CSPG5: variants seen among roughly 807,000 people sequenced by gnomAD.
CSPG5 encodes the protein chondroitin sulfate proteoglycan 5, also known as acidic leucine-rich EGF-like domain-containing brain protein.
A neutral mutation model predicts 39.8 loss-of-function variants in CSPG5; 25 were observed. The ratio of observed to expected loss-of-function variants is 0.63; its 90% CI spans 0.46 to 0.88. The LOEUF (loss-of-function observed/expected upper bound fraction) is 0.88. Among genes scored for constraint, CSPG5 ranks in the 40% least tolerant of loss-of-function variants. The probability of loss-of-function intolerance (pLI) is 0.00; values close to 1 mark genes in which losing one functional copy is unlikely to be tolerated. For missense variants in CSPG5, 627 were observed against 702.2 expected (o/e 0.89, Z 1.21); for synonymous variants, 295 against 303.9 (o/e 0.97, Z 0.31).
At chr3:47,576,702 C>T (rs1203271760) in intron 2 of CSPG5, 131 bp downstream of exon 2, 54 of 1,036,598 alleles carry the variant, frequency 5.2e-5, no homozygotes, top group Middle Eastern at 2.4e-4. Flanking sequence ...TTAGGAGATC[C>T]GCCTGCCTCA....
chr3:47,575,639 T>C (rs888665458), intron 2 of CSPG5, among the ~76,000 whole-genome samples: 5 of 152,166 alleles, frequency 3.3e-5, no homozygotes, highest in Non-Finnish European at 2.9e-5. Flanking sequence ...CACCCGCACA[T>C]CTGCAATGCG....
In CSPG5 at chr3:47,569,219, C is replaced by T. The variant is rs751401533; in HGVS notation, c.1391G>A (p.Arg464Gln). The change falls in exon 4 of 5, where the codon CGG becomes CAG. Residue 464 changes from arginine to glutamine, a missense_variant. Transcript: ENST00000264723. ...ATCATTGTGGAGCTCAGATGGGGTC[C>T]GGAATTTGCTGGTTAGGAGAGAAGA... is the stretch of plus-strand genomic sequence containing the variant. ...NTKLRRTNKF[R>Q]TPSELHNDNF... 7.1e-5 allele frequency: 114 copies of T among 1,613,154 alleles called. 1 individual carries two copies. Among genetic ancestry groups the T allele is most frequent in the Admixed American group, 3.5e-4 (21 of 59,934 alleles).
intron 4 of CSPG5, among the ~76,000 whole-genome samples, chr3:47,564,464 T>C (rs2031212746): frequency 6.6e-6 from 1 of 152,162 alleles, no homozygotes; most frequent in Non-Finnish European, 1.5e-5. Context: ...GACAATTTAG[T>C]AGAGTTTCAA....
rs865844420 is a variant in CSPG5, at chr3:47,578,039, T to G, written c.98-111A>C. 5.0e-5 allele frequency: 66 copies of G among 1,317,080 alleles called. No homozygotes were observed. The highest frequency in any genetic ancestry group is 3.6e-4 in the Admixed American group (9 of 24,676). 81.6% of individuals were successfully genotyped at this position (1,317,080 alleles called of 1,614,324 possible). On this transcript the variant is annotated intron_variant, in intron 1 of 4. Transcript: ENST00000264723. This position sits in a 1 kb window ranked among gnomAD's most constrained non-coding sequence, Gnocchi z 6.0. The stretch of plus-strand genomic sequence containing the variant: ...CGCCTAGACCTGGTCAACCCAGACC[T>G]CGCCACCCTCAGACCCCACCGCCCC...
chr3:47,577,005 G>A lies in CSPG5; in HGVS notation c.1021C>T (p.Pro341Ser). 1.9e-6 allele frequency: 3 copies of A among 1,613,294 alleles called. No homozygotes were observed. Among genetic ancestry groups the A allele is most frequent in the Non-Finnish European group, 2.5e-6 (3 of 1,179,616 alleles). Reference protein sequence around the residue: ...SVPGSSIALRPRPGEPGRDLA... With the variant: ...SVPGSSIALRSRPGEPGRDLA... Reference sequence around the variant, plus strand: ...TCCCTGCCTGGCTCTCCTGGGCGGGGCCTGAGGGCGATGCTGCTGCCGGGG... The same window carrying A: ...TCCCTGCCTGGCTCTCCTGGGCGGGACCTGAGGGCGATGCTGCTGCCGGGG... Residue 341 changes from proline (P) to serine (S), a missense_variant, in exon 2 of 5, where the codon CCC becomes TCC. Coordinates refer to ENST00000264723, the MANE Select transcript of CSPG5 (RefSeq NM_006574.4). This position sits in a 1 kb window ranked among gnomAD's most constrained non-coding sequence, Gnocchi z 4.7.
intron 4 of CSPG5, 168 bp downstream of exon 4, chr3:47,568,984 G>T: frequency 7.8e-7 from 1 of 1,274,576 alleles, no homozygotes; most frequent in Non-Finnish European, 1.0e-6. Context: ...AGAGCTCTCT[G>T]GGGATTTCAT....
At position 47,572,888 on chromosome 3, in the gene CSPG5, A is replaced by G. The variant is rs2031578197; in HGVS notation, c.1194-14T>C. The G allele has an allele frequency of 1.3e-6, 2 of 1,599,794 alleles. No individual in the cohort carries two copies. Among genetic ancestry groups the G allele is most frequent in the Non-Finnish European group, 1.7e-6 (2 of 1,170,034 alleles). ...TGCGTGTTGCACCTGCAGCAGCGAC[A>G]TTGAGAAACCGTGGCGATGGAGCAG... On this transcript the variant is annotated splice_polypyrimidine_tract_variant and intron_variant, in intron 2 of 4. Coordinates refer to ENST00000264723, the MANE Select transcript of CSPG5 (RefSeq NM_006574.4). The surrounding 1 kb of genome is among the most constrained non-coding windows in gnomAD (Gnocchi z 4.5).
chr3:47,573,125 C>T (rs2031588598), intron 2 of CSPG5, among the ~76,000 whole-genome samples: 1 of 152,186 alleles, frequency 6.6e-6, no homozygotes, highest in African/African-American at 2.4e-5. Context: ...TGTAGAGAAA[C>T]TGAGTGAACT....
intron 3 of CSPG5, 104 bp from the exon 4 acceptor site, chr3:47,569,331 T>C (rs2031438357): frequency 8.2e-7 from 1 of 1,222,074 alleles, no homozygotes; most frequent in Non-Finnish European, 1.2e-6. Context: ...CGGCTGGGCG[T>C]GGTGGCTCGC....
Position 47,572,645 on chromosome 3 carries a change from A to G in CSPG5, c.1382+41T>C. 6.3e-7 allele frequency: 1 copy of G among 1,577,928 alleles called. No individual in the cohort carries two copies. The highest frequency in any genetic ancestry group is 8.7e-7 in the Non-Finnish European group (1 of 1,150,288). ...GTGCAGCAGCGTCGGGGGGCCTCCC[A>G]CACCCTGACCTGGGTGGATGGGTGA... On this transcript the variant is annotated intron_variant, in intron 3 of 4. Coordinates refer to ENST00000264723, the MANE Select transcript of CSPG5 (RefSeq NM_006574.4). This position sits in a 1 kb window ranked among gnomAD's most constrained non-coding sequence, Gnocchi z 4.5.
At chr3:47,568,855 A>C (rs746046442) in intron 4 of CSPG5, among the ~76,000 whole-genome samples, 45 of 152,120 alleles carry the variant, frequency 3.0e-4, no homozygotes, top group Admixed American at 2.5e-3. Flanking sequence ...ATCTCTACAA[A>C]AATTTTAAAA....
At chr3:47,563,435 C>T (rs375326133) in intron 4 of CSPG5, among the ~76,000 whole-genome samples, 1 of 152,356 alleles carries the variant, frequency 6.6e-6, no homozygotes, top group East Asian at 1.9e-4. Context: ...GATATTCGTA[C>T]TGCTGATTCT....
intron 4 of CSPG5, among the ~76,000 whole-genome samples, chr3:47,565,741 C>T (rs962169354): frequency 6.6e-6 from 1 of 152,048 alleles, no homozygotes; most frequent in African/African-American, 2.4e-5. Context: ...AACTGAAATC[C>T]CGGAAGGTCT....
upstream of CSPG5, chr3:47,579,240 G>T (rs917561980): frequency 4.6e-5 from 7 of 152,422 alleles, no homozygotes; most frequent in Non-Finnish European, 1.0e-4. This position sits in a 1 kb window ranked among gnomAD's most constrained non-coding sequence, Gnocchi z 4.2. Context: ...CCGCAGGGTC[G>T]GGGCGGGGTC....
intron 2 of CSPG5, among the ~76,000 whole-genome samples, chr3:47,574,091 G>A (rs768256654): frequency 4.6e-5 from 7 of 152,206 alleles, no homozygotes; most frequent in Non-Finnish European, 1.0e-4. Flanking sequence ...TGGTAGGGAG[G>A]CCCGAATGTG....
rs1454843205 is a variant in CSPG5, at chr3:47,562,297, G to A, written c.*303C>T. 5 of 235,736 alleles carry A rather than the reference G, an allele frequency of 2.1e-5. No homozygotes were observed. Among genetic ancestry groups the A allele is most frequent in the Non-Finnish European group, 2.4e-5 (3 of 124,052 alleles). 14.6% of individuals were successfully genotyped at this position (235,736 alleles called of 1,614,324 possible). A position where few individuals can be genotyped will look rare whatever the true frequency, so the allele number is the denominator to read the frequency against. On this transcript the variant is annotated 3_prime_UTR_variant, in exon 5 of 5. Transcript: ENST00000264723. ...TTTTTTACTGGTATTTCAAAAAAAC[G>A]TGGGTCAAAGTACAAAAAAAAGTCA...
intron 2 of CSPG5, among the ~76,000 whole-genome samples, chr3:47,576,461 GTTTTTT>G (rs397769662): frequency 4.4e-5 from 6 of 135,330 alleles, no homozygotes; most frequent in Non-Finnish European, 9.5e-5. Flanking sequence ...GTTTTGTTTT[GTTTTTT>G]TTTTTTTTTG....
chr3:47,573,851 CTGTT>C (rs1417346984), intron 2 of CSPG5, among the ~76,000 whole-genome samples: 6 of 152,200 alleles, frequency 3.9e-5, no homozygotes, highest in African/African-American at 1.4e-4. Flanking sequence ...GGGAGGCTAT[CTGTT>C]TGAGGTTGCC....
Position 47,572,772 on chromosome 3 carries a change from G to A in CSPG5, c.1296C>T (p.Val432=), listed in dbSNP as rs2031571588. Reference sequence around the variant, plus strand: ...CCGTCATCATGAAGAGCAGGAGCAGGACGAGGGCAGCCGAGCCCACGGCCA... The same window carrying A: ...CCGTCATCATGAAGAGCAGGAGCAGAACGAGGGCAGCCGAGCCCACGGCCA... The part of the protein sequence containing the change: ...MCVAVGSAAL[V]LLLLFMMTVF... The change falls in exon 3 of 5, where the codon GTC becomes GTT. Residue 432 remains valine, a synonymous_variant. Coordinates refer to ENST00000264723, the MANE Select transcript of CSPG5 (RefSeq NM_006574.4). The surrounding 1 kb of genome is among the most constrained non-coding windows in gnomAD (Gnocchi z 4.5). 6.2e-7 allele frequency: 1 copy of A among 1,614,096 alleles called. No homozygotes were observed. The highest frequency in any genetic ancestry group is 1.1e-5 in the South Asian group (1 of 91,086).
Sources: gnomAD v4.1 joint callset for allele counts (sites outside exome capture counted in the v4.1 genomes callset) on GRCh38, gnomAD v4.1.1 for gene constraint, Gnocchi (gnomAD v3.1) non-coding constraint, MANE v1.5 for transcripts, NCBI Gene and HGNC (gene_info 2026-07-23, HGNC 2026-07-21) for gene names.